The following GLRA3 variants were observed in gnomAD, a reference collection of about 807,000 sequenced individuals.
GLRA3 encodes the protein glycine receptor alpha 3, also known as glycine receptor subunit alpha-3.
GLRA3 carries 44 observed loss-of-function variants against 60.4 expected under a neutral mutation model. The ratio of observed to expected loss-of-function variants is 0.73; its 90% CI spans 0.57 to 0.94. The LOEUF (loss-of-function observed/expected upper bound fraction) is 0.94. GLRA3 is among the 40% of genes least tolerant of loss of function. GLRA3 has a pLI of 0.00. For missense variants in GLRA3, 508 were observed against 564.6 expected (o/e 0.90, Z 1.02); for synonymous variants, 223 against 192.9 (o/e 1.16, Z -1.29).
chr4:174,643,953 T>C lies in GLRA3; in HGVS notation c.1228A>G (p.Met410Val). The change falls in exon 10 of 10, where the codon ATG becomes GTG. Residue 410 changes from methionine (M) to valine (V), a missense_variant. This residue lies in a region of GLRA3 where 176 missense variants were observed against 197.9 expected (regional missense o/e 0.89). Coordinates refer to ENST00000274093, the MANE Select transcript of GLRA3 (RefSeq NM_006529.4). ...PKGPNHPVQVMPKSPDEMRKV... is the reference protein window; with the variant it reads ...PKGPNHPVQVVPKSPDEMRKV... ...CTCATTTCATCAGGACTTTTTGGCA[T>C]TACCTGGACAGGGTGGTTGGGGCCC... The C allele has an allele frequency of 1.2e-6, 2 of 1,614,040 alleles. No individual in the cohort carries two copies. The highest frequency in any genetic ancestry group is 3.3e-5 in the Admixed American group (2 of 60,010).
intron 3 of GLRA3, among the ~76,000 whole-genome samples, chr4:174,743,139 C>T (rs1437607557): frequency 1.3e-5 from 2 of 152,104 alleles, no homozygotes; most frequent in African/African-American, 4.8e-5. Context: ...ACAGCTTCTG[C>T]TAATGTTAAT....
At chr4:174,682,374 C>T (rs72706158) in intron 6 of GLRA3, among the ~76,000 whole-genome samples, 18,686 of 151,546 alleles carry the variant, frequency 0.12, 1,491 homozygotes, top group Middle Eastern at 0.19. Flanking sequence ...CTGAAATGCA[C>T]GAAAATATGA....
intron 1 of GLRA3, among the ~76,000 whole-genome samples, chr4:174,806,414 A>G (rs1382085524): frequency 2.6e-5 from 4 of 152,110 alleles, no homozygotes; most frequent in Admixed American, 1.3e-4. Flanking sequence ...AAAGCAGAAT[A>G]TTTGTTCCCC....
chr4:174,768,860 G>T (rs1457084171), intron 2 of GLRA3, among the ~76,000 whole-genome samples: 1 of 152,032 alleles, frequency 6.6e-6, no homozygotes, highest in African/African-American at 2.4e-5. Context: ...TTTGTTATTA[G>T]GCAGATACCT....
intron 5 of GLRA3, among the ~76,000 whole-genome samples, chr4:174,699,004 T>A (rs79914348): frequency 0.16 from 24,961 of 151,886 alleles, 2,637 homozygotes; most frequent in South Asian, 0.28. Flanking sequence ...AATTACTTTT[T>A]TTTTTTTTTT....
At chr4:174,773,320 T>A (rs947303412) in intron 2 of GLRA3, among the ~76,000 whole-genome samples, 1 of 151,868 alleles carries the variant, frequency 6.6e-6, no homozygotes, top group Non-Finnish European at 1.5e-5. Flanking sequence ...GATGTTTTTT[T>A]TTTTTAAAGA....
At chr4:174,742,704 A>G (rs111872389) in intron 3 of GLRA3, among the ~76,000 whole-genome samples, 1,829 of 152,310 alleles carry the variant, frequency 0.012, 32 homozygotes, top group African/African-American at 0.041. Flanking sequence ...CAGAAAAATG[A>G]TAGCTTTTAA....
rs148328988 is a variant in GLRA3 at position 174,818,234 on chromosome 4, A to G, written c.71+10507T>C. Among the ~76,000 whole-genome samples the G allele has an allele frequency of 5.6e-3, 857 of 152,306 alleles. 5 individuals are homozygous for G. Among genetic ancestry groups the G allele is most frequent in the African/African-American group, 0.02 (819 of 41,568 alleles). ...AGTTAATTTAGAAAATATTTAAAAT[A>G]AATGAGCTATTTCTTATAGAGGCAT... On this transcript the variant is annotated intron_variant, in intron 1 of 9. Coordinates refer to ENST00000274093, the MANE Select transcript of GLRA3 (RefSeq NM_006529.4).
intron 1 of GLRA3, among the ~76,000 whole-genome samples, chr4:174,790,852 A>AAATTAGCC (rs1454020549): frequency 6.8e-6 from 1 of 146,426 alleles, no homozygotes; most frequent in African/African-American, 2.6e-5. Context: ...AAAAAGAAAG[A>AAATTAGCC]AATTAGCCGG....
intron 7 of GLRA3, among the ~76,000 whole-genome samples, chr4:174,673,244 T>C (rs1241029710): frequency 1.3e-5 from 2 of 152,196 alleles, no homozygotes; most frequent in Non-Finnish European, 2.9e-5. Flanking sequence ...CTTCTAGTAC[T>C]CAGAGTTTAC....
intron 1 of GLRA3, among the ~76,000 whole-genome samples, chr4:174,816,740 C>G (rs112611332): frequency 4.6e-5 from 7 of 151,910 alleles, no homozygotes; most frequent in African/African-American, 1.7e-4. Context: ...CCCCTCTTCA[C>G]TGATCAACAC....
intron 5 of GLRA3, among the ~76,000 whole-genome samples, chr4:174,701,932 A>T (rs1735337397): frequency 6.6e-6 from 1 of 152,228 alleles, no homozygotes; most frequent in Non-Finnish European, 1.5e-5. Flanking sequence ...TTGAGATGAA[A>T]TCTACTGGTG....
intron 4 of GLRA3, among the ~76,000 whole-genome samples, chr4:174,717,183 GC>G (rs1342327704): frequency 7.3e-6 from 1 of 136,124 alleles, no homozygotes; most frequent in East Asian, 2.2e-4. Flanking sequence ...CTGAACTATA[GC>G]CTGGGTGACA....
chr4:174,696,493 A>G (rs978647493), intron 5 of GLRA3, among the ~76,000 whole-genome samples: 4 of 149,058 alleles, frequency 2.7e-5, no homozygotes, highest in Admixed American at 2.7e-4. Context: ...ATAATATAAT[A>G]ATATTATAAA....
chr4:174,682,610 C>A (rs147104569), intron 6 of GLRA3, among the ~76,000 whole-genome samples, 192 bp downstream of exon 6: 37 of 152,230 alleles, frequency 2.4e-4, no homozygotes, highest in Non-Finnish European at 4.1e-4. Flanking sequence ...TTACTTTCGT[C>A]TCATACAGAC....
intron 7 of GLRA3, among the ~76,000 whole-genome samples, chr4:174,671,471 T>G (rs895198939): frequency 6.6e-6 from 1 of 152,160 alleles, no homozygotes; most frequent in Non-Finnish European, 1.5e-5. Context: ...TTCTTCCCAT[T>G]TCCTATCCTT....
At chr4:174,824,746 G>A (rs774556407) in intron 1 of GLRA3, among the ~76,000 whole-genome samples, 8 of 152,090 alleles carry the variant, frequency 5.3e-5, no homozygotes, top group Non-Finnish European at 1.2e-4. Context: ...AAGGTTTCTT[G>A]ATAGTTGCGC....
At chr4:174,805,033 C>T (rs1198549801) in intron 1 of GLRA3, among the ~76,000 whole-genome samples, 1 of 152,128 alleles carries the variant, frequency 6.6e-6, no homozygotes, top group Non-Finnish European at 1.5e-5. Context: ...TTTCTATTGG[C>T]ACAGCTGTCG....
Position 174,640,914 on chromosome 4 carries a change from A to C in GLRA3, c.*2872T>G, listed in dbSNP as rs1732608902. 2 of 152,036 alleles carry C rather than the reference A, an allele frequency of 1.3e-5. No individual in the cohort carries two copies. Among genetic ancestry groups the C allele is most frequent in the African/African-American group, 2.4e-5 (1 of 41,426 alleles). The allele number at this position is 152,036 out of a possible 1,614,324, so 9.4% of individuals were successfully genotyped here. On this transcript the variant is annotated 3_prime_UTR_variant, in exon 10 of 10. Transcript: ENST00000274093. ...TTTTGGAAGGGTTGGAGAAGTTTTA[A>C]ACACCCTCAGCTTTCTTGAAAATAC... is the stretch of plus-strand genomic sequence containing the variant.
Sources: allele counts gnomAD v4.1 joint callset (sites outside exome capture counted in the v4.1 genomes callset), GRCh38; gene constraint gnomAD v4.1.1; regional missense constraint gnomAD v4.1.1; transcripts MANE v1.5; gene names NCBI Gene and HGNC (gene_info 2026-07-23, HGNC 2026-07-21).